Variants in SPHKAP observed in about 807,000 individuals in gnomAD.
SPHKAP encodes A-kinase anchor protein SPHKAP.
A neutral mutation model predicts 137.5 loss-of-function variants in SPHKAP; 67 were observed. The observed-to-expected ratio is 0.49, with a 90% confidence interval of 0.40 to 0.60. The LOEUF (loss-of-function observed/expected upper bound fraction) is 0.60, where lower values mean the gene tolerates loss of function less well. SPHKAP is among the 20% of genes least tolerant of loss of function. SPHKAP has a pLI of 0.00. For synonymous variants in SPHKAP, 813 were observed against 785.3 expected, an observed-to-expected ratio of 1.04 and a Z score of -0.59; for missense variants, 2,097 against 2,069.3, an observed-to-expected ratio of 1.01 and a Z score of -0.26.
intron 2 of SPHKAP, among the ~76,000 whole-genome samples, chr2:228,125,628 G>T (rs539428623): frequency 6.6e-6 from 1 of 152,266 alleles, no homozygotes; most frequent in South Asian, 2.1e-4. Context: ...CAGCCCTGGA[G>T]ATAACAGTTT....
intron 4 of SPHKAP, 94 bp from the exon 5 acceptor site, chr2:228,025,622 G>T: frequency 6.9e-7 from 1 of 1,442,972 alleles, no homozygotes; most frequent in Non-Finnish European, 9.4e-7. Flanking sequence ...ACTCATAACT[G>T]CTCATACATA....
In SPHKAP at chr2:228,016,985, G is replaced by A. The variant is rs1694627268; in HGVS notation, c.3869C>T (p.Ser1290Phe). 1 of 1,614,164 alleles carries A rather than the reference G, an allele frequency of 6.2e-7. No homozygotes were observed. Among genetic ancestry groups the A allele is most frequent in the African/African-American group, 1.3e-5 (1 of 75,032 alleles). The change falls in exon 7 of 12, where the codon TCT becomes TTT. Residue 1290 changes from serine (S) to phenylalanine (F), a missense_variant. Ser to Phe is a radical substitution (Grantham distance 155, BLOSUM62 -2). Transcript: ENST00000392056. The part of the protein sequence containing the change: ...ASSSGLCKSD[S>F]CLYRRGGTDH... ...AGTCCCACCTCTCCGATACAAGCAA[G>A]AGTCAGATTTGCAGAGACCGGATGA... is the stretch of plus-strand genomic sequence containing the variant.
At chr2:228,066,082 G>A (rs1233793640) in intron 3 of SPHKAP, among the ~76,000 whole-genome samples, 3 of 152,132 alleles carry the variant, frequency 2.0e-5, no homozygotes, top group East Asian at 3.9e-4. Context: ...TATGGTTCAT[G>A]GTGGAATTTA....
intron 3 of SPHKAP, among the ~76,000 whole-genome samples, chr2:228,091,106 T>C (rs752440765): frequency 6.6e-6 from 1 of 152,086 alleles, no homozygotes; most frequent in Non-Finnish European, 1.5e-5. Flanking sequence ...GTGGTGTGAA[T>C]AAGAGACACA....
At chr2:228,002,223 C>T (rs1693935407) in intron 7 of SPHKAP, among the ~76,000 whole-genome samples, 1 of 152,148 alleles carries the variant, frequency 6.6e-6, no homozygotes, top group Non-Finnish European at 1.5e-5. Flanking sequence ...ACATCCTCTC[C>T]AGCACCTGTT....
chr2:228,099,204 G>T (rs1234455979), intron 3 of SPHKAP, among the ~76,000 whole-genome samples: 1 of 152,102 alleles, frequency 6.6e-6, no homozygotes, highest in Non-Finnish European at 1.5e-5. Flanking sequence ...GAGTTAATTT[G>T]TATATATGGT....
Position 228,019,380 on chromosome 2 carries a change from G to T in SPHKAP, c.1474C>A (p.Pro492Thr). The change falls in exon 7 of 12, where the codon CCC (proline) becomes ACC (threonine). Residue 492 changes from proline (P) to threonine (T), a missense_variant. Physicochemically the swap from Pro to Thr is conservative, Grantham distance 38. Coordinates refer to ENST00000392056, the MANE Select transcript of SPHKAP (RefSeq NM_001142644.2). ...ILSGENSSRQ[P>T]QSALEVALAC... ...AACGCCACTTCTAGAGCACTCTGGG[G>T]TTGTCTGCTGGAGTTCTCTCCAGAG... 3 of 1,614,182 alleles carry T rather than the reference G, an allele frequency of 1.9e-6. No homozygotes were observed. Among genetic ancestry groups the T allele is most frequent in the Non-Finnish European group, 2.5e-6 (3 of 1,180,040 alleles).
chr2:228,011,633 T>TA (rs202218795), intron 7 of SPHKAP, among the ~76,000 whole-genome samples: 2,145 of 152,302 alleles, frequency 0.014, 28 homozygotes, highest in Middle Eastern at 0.058. Flanking sequence ...TAAGGGTTCT[T>TA]AGGGGCTGCT....
intron 1 of SPHKAP, among the ~76,000 whole-genome samples, chr2:228,178,795 G>A (rs947719184): frequency 3.6e-4 from 54 of 152,024 alleles, no homozygotes; most frequent in Admixed American, 2.6e-4. Flanking sequence ...GATAACCAGT[G>A]ATTTTAAGAA....
intron 7 of SPHKAP, among the ~76,000 whole-genome samples, chr2:228,003,876 G>A (rs191888094): frequency 2.2e-4 from 33 of 152,200 alleles, no homozygotes; most frequent in African/African-American, 5.5e-4. Context: ...ATTGATTTGC[G>A]TATGTTGAAC....
intron 3 of SPHKAP, among the ~76,000 whole-genome samples, chr2:228,054,024 A>G (rs1360273165): frequency 2.0e-5 from 3 of 152,214 alleles, no homozygotes; most frequent in African/African-American, 7.2e-5. Flanking sequence ...TTCTGGTGCC[A>G]GCTCTTAAGC....
chr2:228,011,558 C>A (rs1292764588), intron 7 of SPHKAP, among the ~76,000 whole-genome samples: 4 of 152,030 alleles, frequency 2.6e-5, no homozygotes, highest in Non-Finnish European at 5.9e-5. Flanking sequence ...AAAATAATTC[C>A]TGAGAATATA....
At chr2:228,007,532 CTT>C (rs35657109) in intron 7 of SPHKAP, among the ~76,000 whole-genome samples, 1 of 152,056 alleles carries the variant, frequency 6.6e-6, no homozygotes, top group Non-Finnish European at 1.5e-5. Context: ...ATGAGTTTGA[CTT>C]TTTAAGATTC....
intron 1 of SPHKAP, among the ~76,000 whole-genome samples, chr2:228,135,432 C>T (rs1231597306): frequency 1.3e-5 from 2 of 152,134 alleles, no homozygotes; most frequent in African/African-American, 2.4e-5. Flanking sequence ...TACTTATTTG[C>T]CCATGAAGCA....
At chr2:228,107,069 ATCAT>A (rs1394780019) in intron 3 of SPHKAP, among the ~76,000 whole-genome samples, 3 of 67,216 alleles carry the variant, frequency 4.5e-5, no homozygotes, top group East Asian at 7.5e-4. Flanking sequence ...TCACGTAGTT[ATCAT>A]TTTTTTTTTG....
rs186945353 is a variant in SPHKAP at position 228,074,604 on chromosome 2, C to T, written c.246+34228G>A. On this transcript the variant is annotated intron_variant, in intron 3 of 11. Coordinates refer to ENST00000392056, the MANE Select transcript of SPHKAP (RefSeq NM_001142644.2). ...ACTCCACCTGGCCCCACCCTTGACA[C>T]GTGGGGATTATTACAATTCAAGGTG... is the stretch of plus-strand genomic sequence containing the variant. 8.3e-3 allele frequency among the ~76,000 whole-genome samples: 1,261 copies of T among 152,202 alleles called. 6 individuals carry two copies. The highest frequency in any genetic ancestry group is 0.01 in the Middle Eastern group (3 of 294).
At chr2:228,106,122 GAACA>G (rs1350972466) in intron 3 of SPHKAP, among the ~76,000 whole-genome samples, 1 of 152,148 alleles carries the variant, frequency 6.6e-6, no homozygotes, top group Non-Finnish European at 1.5e-5. Flanking sequence ...TGATGCTTGA[GAACA>G]AACAGGGGTA....
intron 3 of SPHKAP, among the ~76,000 whole-genome samples, chr2:228,106,933 A>G (rs1698359963): frequency 6.6e-6 from 1 of 152,206 alleles, no homozygotes; most frequent in East Asian, 1.9e-4. Flanking sequence ...ACTTTTTAAA[A>G]ATGTTTTAAG....
chr2:228,054,241 T>C (rs1696359493), intron 3 of SPHKAP, among the ~76,000 whole-genome samples: 1 of 152,164 alleles, frequency 6.6e-6, no homozygotes, highest in Non-Finnish European at 1.5e-5. Flanking sequence ...AAAAGTTCTA[T>C]GCATTTGGAA....
Sources: gnomAD v4.1 joint callset for allele counts (sites outside exome capture counted in the v4.1 genomes callset) on GRCh38, gnomAD v4.1.1 for gene constraint, MANE v1.5 for transcripts, NCBI Gene and HGNC (gene_info 2026-07-23, HGNC 2026-07-21) for gene names.